The following VPS26C variants were observed in gnomAD, a reference collection of about 807,000 sequenced individuals.
The protein encoded by VPS26C is vacuolar protein sorting-associated protein 26C.
A neutral mutation model predicts 30.6 loss-of-function variants in VPS26C; 19 were observed. The observed-to-expected ratio is 0.62, with a 90% confidence interval of 0.43 to 0.91. VPS26C has a LOEUF of 0.91. Among genes scored for constraint, VPS26C ranks in the 40% least tolerant of loss-of-function variants. The pLI, the probability that VPS26C is intolerant of heterozygous loss-of-function variation, is 0.00. For missense variants in VPS26C, 318 were observed against 385.1 expected, an observed-to-expected ratio of 0.83 and a Z score of 1.46; for synonymous variants, 132 against 151.5, an observed-to-expected ratio of 0.87 and a Z score of 0.95.
chr21:37,225,271 G>A lies in VPS26C; in HGVS notation c.*273C>T. The A allele has an allele frequency of 2.0e-6, 1 of 497,030 alleles. No individual in the cohort carries two copies. The allele number at this position is 497,030 out of a possible 1,614,324, so 30.8% of individuals were successfully genotyped here. ...CTAAAAAGGAACAGATAAGGCAAGA[G>A]CCACAGTCAATGTTTTCTGTGAAAT... is the stretch of plus-strand genomic sequence containing the variant. On this transcript the variant is annotated 3_prime_UTR_variant, in exon 8 of 8. Coordinates refer to ENST00000309117, the MANE Select transcript of VPS26C (RefSeq NM_006052.2).
chr21:37,267,594 T>A (rs2086383142), upstream of VPS26C: 2 of 454,044 alleles, frequency 4.4e-6, no homozygotes, highest in Non-Finnish European at 7.9e-6. Flanking sequence ...GGGACAGTCT[T>A]ACGCCGGAAA....
chr21:37,260,397 T>G (rs1251047359), intron 1 of VPS26C, among the ~76,000 whole-genome samples: 1 of 152,204 alleles, frequency 6.6e-6, no homozygotes, highest in Non-Finnish European at 1.5e-5. Flanking sequence ...GTCAAGTTTT[T>G]AGGCCAGGTG....
At chr21:37,258,583 G>A (rs985903746) in intron 1 of VPS26C, among the ~76,000 whole-genome samples, 3 of 152,202 alleles carry the variant, frequency 2.0e-5, no homozygotes. Flanking sequence ...CAGGCAGAAG[G>A]TGTAGGCTGC....
rs2148278445 is a variant in VPS26C at position 37,224,935 on chromosome 21, G to A, written c.*609C>T. The A allele has an allele frequency of 6.5e-6, 1 of 153,030 alleles. No individual in the cohort carries two copies. Among genetic ancestry groups the A allele is most frequent in the South Asian group, 2.1e-4 (1 of 4,844 alleles). 9.5% of individuals were successfully genotyped at this position (153,030 alleles called of 1,614,324 possible). On this transcript the variant is annotated 3_prime_UTR_variant, in exon 8 of 8. Coordinates refer to ENST00000309117, the MANE Select transcript of VPS26C (RefSeq NM_006052.2). ...GGAGGTGGAGGTTGCAGTGAGCTGA[G>A]ATCACTCCAGCCTGGGTGACAGACT... is the stretch of plus-strand genomic sequence containing the variant.
intron 1 of VPS26C, among the ~76,000 whole-genome samples, chr21:37,256,389 G>T (rs962098906): frequency 5.3e-5 from 8 of 152,094 alleles, no homozygotes; most frequent in Non-Finnish European, 1.0e-4. Context: ...GAACAGCTCT[G>T]CTTTTATCTG....
chr21:37,235,807 C>T (rs2086014102), intron 3 of VPS26C, among the ~76,000 whole-genome samples: 1 of 147,230 alleles, frequency 6.8e-6, no homozygotes, highest in Non-Finnish European at 1.5e-5. Flanking sequence ...GAATATAATA[C>T]TGGCATTTGA....
chr21:37,238,212 G>A, intron 3 of VPS26C: 1 of 476,842 alleles, frequency 2.1e-6, no homozygotes, highest in Middle Eastern at 5.6e-4. Context: ...CCTGAAAAGA[G>A]CCCAGAAGAA....
intron 1 of VPS26C, among the ~76,000 whole-genome samples, chr21:37,263,447 G>C (rs79476828): frequency 0.031 from 4,723 of 152,276 alleles, 205 homozygotes; most frequent in African/African-American, 0.097. Context: ...GCTTTGAACT[G>C]GAACTGATCT....
chr21:37,256,923 C>T (rs1321965686), intron 1 of VPS26C, among the ~76,000 whole-genome samples: 4 of 152,080 alleles, frequency 2.6e-5, no homozygotes, highest in Non-Finnish European at 4.4e-5. Context: ...ATCGCTTGAG[C>T]CCAGGGGTTT....
At position 37,233,236 on chromosome 21, in the gene VPS26C, T is replaced by C. The variant is rs577690500; in HGVS notation, c.432+126A>G. On this transcript the variant is annotated intron_variant, in intron 4 of 7. Transcript: ENST00000309117. This position sits in a 1 kb window ranked among gnomAD's most constrained non-coding sequence, Gnocchi z 5.2. Reference sequence around the variant, plus strand: ...ACCGACTGTCTCTGACCCAGAAGTCTTGTGTCTTCTGCCAGCACCCGTGAA... The same window carrying C: ...ACCGACTGTCTCTGACCCAGAAGTCCTGTGTCTTCTGCCAGCACCCGTGAA... 25 of 774,138 alleles carry C rather than the reference T, an allele frequency of 3.2e-5. 1 individual carries two copies. The South Asian group carries it at 3.6e-4, about 11-fold the overall frequency. 48.0% of individuals were successfully genotyped at this position (774,138 alleles called of 1,614,324 possible).
intron 1 of VPS26C, among the ~76,000 whole-genome samples, chr21:37,264,507 T>TCAGCATCC (rs1399987666): frequency 6.6e-6 from 1 of 152,248 alleles, no homozygotes; most frequent in Admixed American, 6.5e-5. Flanking sequence ...AGAAAATATC[T>TCAGCATCC]CAGCATCCCA....
intron 1 of VPS26C, among the ~76,000 whole-genome samples, chr21:37,265,910 C>CTTT (rs59649054): frequency 1.4e-3 from 106 of 77,222 alleles, no homozygotes; most frequent in South Asian, 2.0e-3. Flanking sequence ...AGCTTTTTCT[C>CTTT]TTTTTTTTTT....
Position 37,225,458 on chromosome 21 carries a change from C to A in VPS26C, c.*86G>T, listed in dbSNP as rs533469603. 7.1e-6 allele frequency: 8 copies of A among 1,132,310 alleles called. No individual in the cohort carries two copies. In the African/African-American group the frequency reaches 1.1e-4, roughly 15 times the overall value. The allele number at this position is 1,132,310 out of a possible 1,614,324, so 70.1% of individuals were successfully genotyped here. Reference sequence around the variant, plus strand: ...AATAATCACAAAAACAAGTATATGCCGCTGGCTGTAGCTCCCCTTAGGATT... The same window carrying A: ...AATAATCACAAAAACAAGTATATGCAGCTGGCTGTAGCTCCCCTTAGGATT... On this transcript the variant is annotated 3_prime_UTR_variant, in exon 8 of 8. Transcript: ENST00000309117.
intron 5 of VPS26C, chr21:37,229,235 GGAAGAA>G (rs34179390): frequency 3.3e-5 from 5 of 153,010 alleles, no homozygotes; most frequent in East Asian, 3.9e-4. Context: ...GGGCCACGTT[GGAAGAA>G]GAAGAATTGT....
In VPS26C at chr21:37,228,139, C is replaced by T. The variant is rs1461148065; in HGVS notation, c.658+84G>A. On this transcript the variant is annotated intron_variant, in intron 6 of 7. Transcript: ENST00000309117. ...CAGGGGTGCGCCACTGTGCCCAGCC[C>T]CCCAGCATCCTCTTAACCATGGAAC... The T allele has an allele frequency of 2.6e-6, 4 of 1,539,024 alleles. No individual in the cohort carries two copies. In the African/African-American group the frequency reaches 5.4e-5, roughly 21 times the overall value.
At chr21:37,248,022 G>A (rs762291867) in intron 1 of VPS26C, among the ~76,000 whole-genome samples, 2 of 152,132 alleles carry the variant, frequency 1.3e-5, no homozygotes, top group East Asian at 3.9e-4. Flanking sequence ...AGAAAAAGAC[G>A]TGGTATTATT....
intron 1 of VPS26C, among the ~76,000 whole-genome samples, chr21:37,255,086 T>C (rs992667025): frequency 5.9e-5 from 9 of 152,344 alleles, no homozygotes; most frequent in African/African-American, 1.4e-4. Flanking sequence ...TAAAAATATA[T>C]ATTTTCAATT....
chr21:37,267,150 A>T lies in VPS26C; in HGVS notation c.57+88T>A, dbSNP rs545211089. 3.3e-3 allele frequency: 3,982 copies of T among 1,217,484 alleles called. 29 individuals are homozygous for T. Among genetic ancestry groups the T allele is most frequent in the Middle Eastern group, 0.011 (42 of 3,760 alleles). 75.4% of individuals were successfully genotyped at this position (1,217,484 alleles called of 1,614,324 possible). On this transcript the variant is annotated intron_variant, in intron 1 of 7. Coordinates refer to ENST00000309117, the MANE Select transcript of VPS26C (RefSeq NM_006052.2). Reference sequence around the variant, plus strand: ...CGGGACAGCCCTGCCCCGCCTAGGGACGCGGGACGTGCGCAGAGCGATGGA... The same window carrying T: ...CGGGACAGCCCTGCCCCGCCTAGGGTCGCGGGACGTGCGCAGAGCGATGGA...
chr21:37,250,222 T>C (rs1313703520), intron 1 of VPS26C, among the ~76,000 whole-genome samples: 1 of 151,952 alleles, frequency 6.6e-6, no homozygotes, highest in Non-Finnish European at 1.5e-5. Context: ...GGAGAATCAC[T>C]TGAACTCAAG....
Sources: allele counts gnomAD v4.1 joint callset (sites outside exome capture counted in the v4.1 genomes callset), GRCh38; gene constraint gnomAD v4.1.1; non-coding constraint Gnocchi (gnomAD v3.1); transcripts MANE v1.5; gene names NCBI Gene and HGNC (gene_info 2026-07-23, HGNC 2026-07-21).